The following PDE1C variants were observed in gnomAD, a reference collection of about 807,000 sequenced individuals.
PDE1C encodes phosphodiesterase 1C.
PDE1C carries 62 observed loss-of-function variants against 93.1 expected under a neutral mutation model. The ratio of observed to expected loss-of-function variants is 0.67; its 90% CI spans 0.54 to 0.82. The LOEUF is 0.82. PDE1C is among the 40% of genes least tolerant of loss of function. The probability of loss-of-function intolerance (pLI) is 0.00; values close to 1 mark genes in which losing one functional copy is unlikely to be tolerated. For synonymous variants in PDE1C, 325 were observed against 310.1 expected, an observed-to-expected ratio of 1.05 and a Z score of -0.50; for missense variants, 742 against 884.6, an observed-to-expected ratio of 0.84 and a Z score of 2.04.
At chr7:32,345,744 A>C (rs1331697971) in intron 1 of PDE1C, among the ~76,000 whole-genome samples, 1 of 152,206 alleles carries the variant, frequency 6.6e-6, no homozygotes, top group South Asian at 2.1e-4. Context: ...AAACACATGA[A>C]AAAATTTTCA....
At chr7:32,212,255 T>G (rs1806101604) in intron 1 of PDE1C, among the ~76,000 whole-genome samples, 1 of 151,864 alleles carries the variant, frequency 6.6e-6, no homozygotes, top group Non-Finnish European at 1.5e-5. Flanking sequence ...GACACCAATG[T>G]CACTATTTCA....
intron 1 of PDE1C, among the ~76,000 whole-genome samples, chr7:32,388,948 G>A (rs1410311647): frequency 6.6e-6 from 1 of 152,116 alleles, no homozygotes; most frequent in Non-Finnish European, 1.5e-5. Context: ...TTCATTGAAA[G>A]TGATGCCAGG....
chr7:32,246,381 C>G (rs1285740104), intron 1 of PDE1C, among the ~76,000 whole-genome samples: 1 of 152,048 alleles, frequency 6.6e-6, no homozygotes, highest in Non-Finnish European at 1.5e-5. Context: ...AGGTAGGAGG[C>G]AGTAGCAGGG....
rs767789790 is a variant in PDE1C at position 31,879,048 on chromosome 7, G to T, written c.373C>A (p.Pro125Thr). Reference protein sequence around the residue: ...GMMLRRSDEKPRFKSIVHAVQ... With the variant: ...GMMLRRSDEKTRFKSIVHAVQ... ...GCGTGAACGATGCTCTTGAACCGGG[G>T]CTTCTCGTCGCTCCTCCTGAGCATC... The change falls in exon 4 of 18, where the codon CCC becomes ACC. Residue 125 changes from proline (P) to threonine (T), a missense_variant. Transcript: ENST00000396191. The T allele has an allele frequency of 1.2e-6, 2 of 1,614,144 alleles. No homozygotes were observed. The highest frequency in any genetic ancestry group is 1.7e-6 in the Non-Finnish European group (2 of 1,179,998).
At chr7:31,833,379 GAT>G (rs2128756014) in intron 11 of PDE1C, among the ~76,000 whole-genome samples, 1 of 152,268 alleles carries the variant, frequency 6.6e-6, no homozygotes, top group African/African-American at 2.4e-5. Context: ...CTGCTATAAA[GAT>G]ACCTGATATG....
intron 2 of PDE1C, among the ~76,000 whole-genome samples, chr7:31,964,528 G>T: frequency 6.6e-6 from 1 of 152,224 alleles, no homozygotes; most frequent in East Asian, 1.9e-4. Flanking sequence ...CCACCTTTGA[G>T]GGCAGGGCAC....
At chr7:32,347,103 T>C (rs955764062) in intron 1 of PDE1C, among the ~76,000 whole-genome samples, 7 of 152,216 alleles carry the variant, frequency 4.6e-5, no homozygotes, top group African/African-American at 1.7e-4. Flanking sequence ...GAAGTTGTTT[T>C]AAAAAGAATC....
intron 3 of PDE1C, among the ~76,000 whole-genome samples, chr7:32,165,347 T>C (rs909099976): frequency 2.6e-5 from 4 of 152,204 alleles, no homozygotes; most frequent in Non-Finnish European, 5.9e-5. Context: ...AGGGGGTCTC[T>C]TTATCCCCAT....
At chr7:31,623,933 C>G in the PDE1C span, among the ~76,000 whole-genome samples, 1 of 150,578 alleles carries the variant, frequency 6.6e-6, no homozygotes, top group Non-Finnish European at 1.5e-5. Context: ...TCTCAGGATA[C>G]AAAATCAATG....
chr7:32,075,533 T>G (rs187967542), upstream of PDE1C, among the ~76,000 whole-genome samples: 1 of 152,070 alleles, frequency 6.6e-6, no homozygotes, highest in Non-Finnish European at 1.5e-5. Flanking sequence ...TGACGTCTTT[T>G]TCTGTTTGAT....
the PDE1C span, among the ~76,000 whole-genome samples, chr7:31,736,599 G>T: frequency 1.3e-5 from 2 of 152,198 alleles, no homozygotes; most frequent in Admixed American, 6.5e-5. Flanking sequence ...TCACATTGCA[G>T]TTGCTTGCTA....
At chr7:32,302,786 G>A (rs564228876), upstream of PDE1C, among the ~76,000 whole-genome samples, 4 of 152,300 alleles carry the variant, frequency 2.6e-5, no homozygotes, top group South Asian at 8.3e-4. Flanking sequence ...AGAGAAGACA[G>A]CTCCTCAACA....
At chr7:31,887,588 T>G (rs1445875187) in intron 2 of PDE1C, among the ~76,000 whole-genome samples, 1 of 152,222 alleles carries the variant, frequency 6.6e-6, no homozygotes, top group Non-Finnish European at 1.5e-5. Context: ...AATAACGTCA[T>G]GAACAAAATT....
intron 1 of PDE1C, among the ~76,000 whole-genome samples, chr7:32,289,924 T>C (rs975542564): frequency 6.6e-6 from 1 of 152,108 alleles, no homozygotes; most frequent in Admixed American, 6.5e-5. Context: ...TGCAATGTGG[T>C]TTCTTCTCAA....
At chr7:32,068,101 G>A (rs971658131) in intron 1 of PDE1C, among the ~76,000 whole-genome samples, 5 of 152,218 alleles carry the variant, frequency 3.3e-5, no homozygotes, top group African/African-American at 7.2e-5. Flanking sequence ...ACCATCTGTG[G>A]TCACCTACAG....
the PDE1C span, among the ~76,000 whole-genome samples, chr7:31,714,665 G>A: frequency 2.0e-3 from 302 of 152,358 alleles, 2 homozygotes; most frequent in Middle Eastern, 6.8e-3. Context: ...CATGGCAGAA[G>A]GCAAAGAGGA....
chr7:31,681,914 T>C, the PDE1C span, among the ~76,000 whole-genome samples: 1 of 152,196 alleles, frequency 6.6e-6, no homozygotes, highest in Non-Finnish European at 1.5e-5. Flanking sequence ...TAGCAAAATG[T>C]CCTCTTGTGT....
At chr7:31,690,763 T>G in the PDE1C span, among the ~76,000 whole-genome samples, 2 of 152,180 alleles carry the variant, frequency 1.3e-5, no homozygotes, top group Non-Finnish European at 2.9e-5. Flanking sequence ...GGACCTTCAG[T>G]AGATAGTAAG....
chr7:31,853,703 T>TTTTGTA (rs1440795662), intron 7 of PDE1C, among the ~76,000 whole-genome samples: 5 of 150,870 alleles, frequency 3.3e-5, no homozygotes, highest in Non-Finnish European at 7.4e-5. Context: ...TTTGTTTTCG[T>TTTTGTA]TTTGTTTTTG....
Sources: allele counts gnomAD v4.1 joint callset (sites outside exome capture counted in the v4.1 genomes callset), GRCh38; gene constraint gnomAD v4.1.1; transcripts MANE v1.5; gene names NCBI Gene and HGNC (gene_info 2026-07-23, HGNC 2026-07-21).